Variants in PLXNA4 observed in about 807,000 individuals in gnomAD.
The protein encoded by PLXNA4 is plexin A4, also known as plexin-A4.
A neutral mutation model predicts 191.8 loss-of-function variants in PLXNA4; 44 were observed. The observed-to-expected ratio is 0.23, with a 90% CI of 0.18 to 0.29. The LOEUF is 0.29. Among genes scored for constraint, PLXNA4 ranks in the 10% least tolerant of loss-of-function variants. The probability of loss-of-function intolerance (pLI) is 1.00; values close to 1 mark genes in which losing one functional copy is unlikely to be tolerated. For synonymous variants in PLXNA4, 1,082 were observed against 1,009.5 expected (o/e 1.07, Z -1.36); for missense variants, 1,800 against 2,488.8 (o/e 0.72, Z 5.89).
In PLXNA4 at chr7:132,574,980, T is replaced by A. The variant is rs369401257; in HGVS notation, c.-87+1442A>T. Among the ~76,000 whole-genome samples, 68 of 152,336 alleles carry A rather than the reference T, an allele frequency of 4.5e-4. No homozygotes were observed. In the South Asian group the frequency reaches 5.4e-3, roughly 12 times the overall value. On this transcript the variant is annotated intron_variant, in intron 1 of 31. Coordinates refer to ENST00000321063, the MANE Select transcript of PLXNA4 (RefSeq NM_020911.2). Reference sequence around the variant, plus strand: ...GGGTCTGTGGGATACTCTGAACACATGATCTTGGACAGAGGGTACAAGCTT... The same window carrying A: ...GGGTCTGTGGGATACTCTGAACACAAGATCTTGGACAGAGGGTACAAGCTT...
chr7:132,374,130 T>C (rs754616798), intron 3 of PLXNA4, among the ~76,000 whole-genome samples: 16 of 152,164 alleles, frequency 1.1e-4, no homozygotes, highest in Non-Finnish European at 1.9e-4. Flanking sequence ...TCATTCCCAT[T>C]TGGACAGAGA....
chr7:132,575,722 G>A (rs1802193837), intron 1 of PLXNA4, among the ~76,000 whole-genome samples: 1 of 152,192 alleles, frequency 6.6e-6, no homozygotes, highest in African/African-American at 2.4e-5. Context: ...CATACGCGGC[G>A]ATGCTTTAAG....
intron 3 of PLXNA4, among the ~76,000 whole-genome samples, chr7:132,438,583 T>A (rs1159067625): frequency 6.6e-6 from 1 of 152,182 alleles, no homozygotes; most frequent in African/African-American, 2.4e-5. Context: ...TAGTCTAACA[T>A]ATATTTAAAA....
chr7:132,454,007 G>A (rs1273110273), intron 3 of PLXNA4, among the ~76,000 whole-genome samples: 2 of 152,214 alleles, frequency 1.3e-5, no homozygotes, highest in Non-Finnish European at 2.9e-5. Flanking sequence ...ACCACATGCT[G>A]AGCACACCCT....
chr7:132,221,636 A>G (rs1034777888), intron 9 of PLXNA4, among the ~76,000 whole-genome samples: 1 of 152,050 alleles, frequency 6.6e-6, no homozygotes, highest in Non-Finnish European at 1.5e-5. Flanking sequence ...CTTTATATCC[A>G]TGTTGTCTTT....
intron 3 of PLXNA4, among the ~76,000 whole-genome samples, chr7:132,473,440 C>A (rs1311409506): frequency 2.0e-5 from 3 of 152,176 alleles, no homozygotes; most frequent in Non-Finnish European, 2.9e-5. Flanking sequence ...GGACCCCTGT[C>A]TCCTGCTTCT....
chr7:132,199,422 ACTGGCTTT>A (rs1797361276), intron 12 of PLXNA4, among the ~76,000 whole-genome samples: 3 of 152,184 alleles, frequency 2.0e-5, no homozygotes, highest in African/African-American at 7.2e-5. Context: ...GTCAAAGTGT[ACTGGCTTT>A]CCCTCCTAAA....
At chr7:132,549,490 T>C (rs1800459351) in intron 1 of PLXNA4, among the ~76,000 whole-genome samples, 1 of 152,202 alleles carries the variant, frequency 6.6e-6, no homozygotes, top group Admixed American at 6.5e-5. Flanking sequence ...AAAAAAATCC[T>C]GGGTCCCAAC....
At chr7:132,486,570 C>T (rs2117510958) in intron 3 of PLXNA4, among the ~76,000 whole-genome samples, 1 of 152,326 alleles carries the variant, frequency 6.6e-6, no homozygotes, top group African/African-American at 2.4e-5. Flanking sequence ...GAAAGTTTGG[C>T]CGCCCCAGTG....
chr7:132,159,351 C>T, intron 25 of PLXNA4, 122 bp downstream of exon 25: 1 of 1,478,698 alleles, frequency 6.8e-7, no homozygotes, highest in Non-Finnish European at 9.1e-7. Flanking sequence ...ATGCCTGACT[C>T]CCTCCAGCCA....
At chr7:132,413,630 G>A (rs1487455438) in intron 3 of PLXNA4, among the ~76,000 whole-genome samples, 1 of 152,174 alleles carries the variant, frequency 6.6e-6, no homozygotes, top group East Asian at 1.9e-4. Context: ...TTACTCCACG[G>A]TTCTGGTTGC....
chr7:132,647,890 CATAT>C (rs905693690), intron 1 of PLXNA4, among the ~76,000 whole-genome samples: 2 of 151,824 alleles, frequency 1.3e-5, no homozygotes, highest in Admixed American at 6.6e-5. Flanking sequence ...CACATTCTTC[CATAT>C]ATACTCACGA....
intron 3 of PLXNA4, among the ~76,000 whole-genome samples, chr7:132,376,874 C>T (rs1041503928): frequency 7.2e-5 from 11 of 152,178 alleles, no homozygotes; most frequent in Non-Finnish European, 1.2e-4. Flanking sequence ...GGTCAACCTT[C>T]GGTGCCAGGC....
At chr7:132,189,720 G>A (rs948837211) in intron 14 of PLXNA4, among the ~76,000 whole-genome samples, 11 of 152,158 alleles carry the variant, frequency 7.2e-5, no homozygotes, top group East Asian at 1.9e-4. Context: ...ATGAGGGCTC[G>A]GAGACTCTGG....
intron 20 of PLXNA4, 144 bp downstream of exon 20, chr7:132,179,543 A>G: frequency 8.3e-7 from 1 of 1,199,196 alleles, no homozygotes; most frequent in Non-Finnish European, 1.2e-6. Flanking sequence ...AGACACACAC[A>G]CCGCCAGCCT....
Position 132,501,261 on chromosome 7 carries a change from C to T in PLXNA4, c.1188+6245G>A, listed in dbSNP as rs1394337437. ...AAGAGGAGAGAAACAGAGAAAGCAA[C>T]AGACAGCAACGAGGAGGACAGACAT... is the stretch of plus-strand genomic sequence containing the variant. On this transcript the variant is annotated intron_variant, in intron 2 of 31. Coordinates refer to ENST00000321063, the MANE Select transcript of PLXNA4 (RefSeq NM_020911.2). Among the ~76,000 whole-genome samples, 3 of 152,142 alleles carry T rather than the reference C, an allele frequency of 2.0e-5. No homozygotes were observed. The East Asian group carries it at 5.8e-4, about 29-fold the overall frequency.
At chr7:132,401,690 T>C (rs1793991607) in intron 3 of PLXNA4, among the ~76,000 whole-genome samples, 1 of 152,022 alleles carries the variant, frequency 6.6e-6, no homozygotes. Context: ...GCTCAGAGAT[T>C]GTGTGGCCAT....
rs376646704 is a variant in PLXNA4 at position 132,179,913 on chromosome 7, G to A, written c.3648C>T (p.Val1216=). The A allele has an allele frequency of 1.6e-5, 25 of 1,606,538 alleles. No individual in the cohort carries two copies. The highest frequency in any genetic ancestry group is 2.2e-5 in the East Asian group (1 of 44,720). Residue 1216 remains valine, a synonymous_variant, in exon 20 of 32, where the codon GTC becomes GTT. Transcript: ENST00000321063. ...TCCCCGGGGAGTACTCCATGCCACC[G>A]ACACGGGCCTGGGGGCACACAGGGC... ...LIGRHKVMAR[V]GGMEYSPGMV...
At chr7:132,192,194 A>G (rs1797113258) in intron 14 of PLXNA4, among the ~76,000 whole-genome samples, 1 of 152,142 alleles carries the variant, frequency 6.6e-6, no homozygotes, top group Non-Finnish European at 1.5e-5. Flanking sequence ...TGTGTCAAGT[A>G]CTTGAGCTCA....
Sources: allele counts gnomAD v4.1 joint callset (sites outside exome capture counted in the v4.1 genomes callset), GRCh38; gene constraint gnomAD v4.1.1; transcripts MANE v1.5; gene names NCBI Gene and HGNC (gene_info 2026-07-23, HGNC 2026-07-21).